Variants in INSL6 observed in about 807,000 individuals in gnomAD.
INSL6 encodes insulin-like peptide INSL6.
In INSL6, 16 loss-of-function variants were observed where a neutral mutation model predicts 9.4. The ratio of observed to expected loss-of-function variants is 1.70; its 90% confidence interval spans 1.15 to 2.59. The LOEUF (loss-of-function observed/expected upper bound fraction) is 2.59, where lower values mean the gene tolerates loss of function less well. Among genes scored for constraint, INSL6 ranks in the 30% most tolerant of loss-of-function variants. INSL6 has a pLI of 0.00. For missense variants in INSL6, 391 were observed against 257.3 expected, an observed-to-expected ratio of 1.52 and a Z score of -3.56; for synonymous variants, 154 against 96.9, an observed-to-expected ratio of 1.59 and a Z score of -3.46.
chr9:5,118,468 G>C, the INSL6 span, among the ~76,000 whole-genome samples: 1 of 152,124 alleles, frequency 6.6e-6, no homozygotes, highest in Non-Finnish European at 1.5e-5. Flanking sequence ...GGTTATCATT[G>C]AAGTTACTAG....
the INSL6 span, chr9:5,085,385 C>G: frequency 2.2e-6 from 2 of 895,052 alleles, no homozygotes; most frequent in Non-Finnish European, 3.7e-6. Context: ...ACCACTGGGT[C>G]GGGGCATCCT....
At chr9:5,077,598 T>C in the INSL6 span, 5 of 1,442,398 alleles carry the variant, frequency 3.5e-6, no homozygotes, top group Admixed American at 2.7e-5. Flanking sequence ...GTACAACCTT[T>C]TTATCAAAAG....
At chr9:5,146,414 T>C (rs1477553695) in intron 2 of INSL6, among the ~76,000 whole-genome samples, 3 of 152,134 alleles carry the variant, frequency 2.0e-5, no homozygotes, top group East Asian at 3.8e-4. Flanking sequence ...GAGCAAGGCA[T>C]TGGTGAGGAG....
At chr9:5,163,192 G>C (rs1032079539), downstream of INSL6, among the ~76,000 whole-genome samples, 2 of 152,154 alleles carry the variant, frequency 1.3e-5, no homozygotes, top group African/African-American at 2.4e-5. Flanking sequence ...TGAGACTTTA[G>C]AACTGCATTT....
chr9:5,115,805 G>A, the INSL6 span, among the ~76,000 whole-genome samples: 1 of 152,108 alleles, frequency 6.6e-6, no homozygotes, highest in Non-Finnish European at 1.5e-5. Flanking sequence ...GCAAACACAG[G>A]AACAGAAAAC....
At chr9:5,179,116 T>C (rs1490264919) in intron 1 of INSL6, among the ~76,000 whole-genome samples, 2 of 149,242 alleles carry the variant, frequency 1.3e-5, no homozygotes, top group African/African-American at 4.9e-5. Flanking sequence ...AATCTATCCA[T>C]CTGACAAAGC....
the INSL6 span, among the ~76,000 whole-genome samples, chr9:5,033,577 GC>G: frequency 4.1e-4 from 62 of 152,254 alleles, no homozygotes; most frequent in African/African-American, 1.5e-3. Context: ...GAGAGTGGGG[GC>G]CAATATTCAA....
intron 2 of INSL6, among the ~76,000 whole-genome samples, chr9:5,154,596 G>C (rs530426834): frequency 6.6e-6 from 1 of 152,098 alleles, no homozygotes; most frequent in African/African-American, 2.4e-5. Context: ...CTAATATCCA[G>C]AATCTACGAT....
chr9:5,054,932 G>A, the INSL6 span: 2 of 1,344,490 alleles, frequency 1.5e-6, no homozygotes, highest in Non-Finnish European at 2.0e-6. This position sits in a 1 kb window ranked among gnomAD's most constrained non-coding sequence, Gnocchi z 4.9. Flanking sequence ...TAAGTACAAT[G>A]GAAATAAAAA....
chr9:5,000,835 A>G, the INSL6 span, among the ~76,000 whole-genome samples: 2 of 152,206 alleles, frequency 1.3e-5, no homozygotes, highest in Admixed American at 6.5e-5. Flanking sequence ...ATGTATAAAT[A>G]TCAGGTAAGA....
intron 3 of INSL6, chr9:5,132,134 G>A (rs1310544101): frequency 1.3e-5 from 2 of 152,170 alleles, no homozygotes; most frequent in African/African-American, 4.8e-5. Context: ...AAATGTTGAA[G>A]TTGAATCCTA....
chr9:5,042,173 CA>C, the INSL6 span, among the ~76,000 whole-genome samples: 2 of 149,528 alleles, frequency 1.3e-5, no homozygotes, highest in East Asian at 4.0e-4. Flanking sequence ...CTTTGTCGCC[CA>C]GGCCGGACTG....
the INSL6 span, chr9:5,086,168 G>A: frequency 2.6e-6 from 1 of 389,980 alleles, no homozygotes; most frequent in South Asian, 5.6e-5. Context: ...CGGTCTCCAC[G>A]CCGCCGGTCT....
At chr9:5,070,195 T>C in the INSL6 span, 19 of 489,016 alleles carry the variant, frequency 3.9e-5, no homozygotes, top group Non-Finnish European at 6.5e-5. Flanking sequence ...ATGAAAAATA[T>C]GCCAACCTTG....
At chr9:5,051,733 T>A in the INSL6 span, among the ~76,000 whole-genome samples, 1 of 152,188 alleles carries the variant, frequency 6.6e-6, no homozygotes, top group African/African-American at 2.4e-5. Flanking sequence ...TGAGTGTGGT[T>A]AAAGCTTCCT....
chr9:4,993,651 C>G, the INSL6 span, among the ~76,000 whole-genome samples: 1 of 152,338 alleles, frequency 6.6e-6, no homozygotes, highest in African/African-American at 2.4e-5. Context: ...GAAGTCCTCA[C>G]TGACAGTCTC....
At chr9:5,069,205 A>G in the INSL6 span, 3 of 1,596,254 alleles carry the variant, frequency 1.9e-6, no homozygotes, top group African/African-American at 4.1e-5. Context: ...CCCAAAGCCA[A>G]AAGGTAAGAT....
chr9:5,039,876 T>C, the INSL6 span, among the ~76,000 whole-genome samples: 4 of 152,186 alleles, frequency 2.6e-5, no homozygotes, highest in Non-Finnish European at 5.9e-5. Context: ...ATTTTTAAGA[T>C]GGCAATACTC....
the INSL6 span, among the ~76,000 whole-genome samples, chr9:5,019,216 C>T: frequency 6.6e-6 from 1 of 152,072 alleles, no homozygotes; most frequent in Non-Finnish European, 1.5e-5. Context: ...TTTATGGTAT[C>T]CCATATGTCA....
Sources: gnomAD v4.1 joint callset for allele counts (sites outside exome capture counted in the v4.1 genomes callset) on GRCh38, gnomAD v4.1.1 for gene constraint, Gnocchi (gnomAD v3.1) non-coding constraint, MANE v1.5 for transcripts, NCBI Gene and HGNC (gene_info 2026-07-23, HGNC 2026-07-21) for gene names.